The following PDE1C variants were observed in gnomAD, a reference collection of about 807,000 sequenced individuals.
PDE1C encodes dual specificity calcium/calmodulin-dependent 3',5'-cyclic nucleotide phosphodiesterase 1C.
In PDE1C, 62 loss-of-function variants were observed where a neutral mutation model predicts 93.1. That is an observed-to-expected ratio of 0.67 (90% confidence interval 0.54 to 0.82). The LOEUF (loss-of-function observed/expected upper bound fraction) is 0.82. PDE1C is among the 40% of genes least tolerant of loss of function. PDE1C has a pLI of 0.00. For missense variants in PDE1C, 742 were observed against 884.6 expected (o/e 0.84, Z 2.04); for synonymous variants, 325 against 310.1 (o/e 1.05, Z -0.50).
the PDE1C span, among the ~76,000 whole-genome samples, chr7:31,706,719 A>G: frequency 6.6e-6 from 1 of 152,234 alleles, no homozygotes; most frequent in East Asian, 1.9e-4. Context: ...AAGGACAGGA[A>G]AAGCCGACAT....
chr7:32,400,391 G>A (rs550836751), intron 1 of PDE1C, among the ~76,000 whole-genome samples: 1 of 152,106 alleles, frequency 6.6e-6, no homozygotes, highest in East Asian at 1.9e-4. Context: ...TCCCCCAACT[G>A]TGTCCCACTG....
intron 2 of PDE1C, among the ~76,000 whole-genome samples, chr7:31,929,434 A>C (rs1486498587): frequency 6.6e-6 from 1 of 152,182 alleles, no homozygotes; most frequent in Non-Finnish European, 1.5e-5. Flanking sequence ...TGGACCAAGC[A>C]GACCTAATAG....
intron 2 of PDE1C, among the ~76,000 whole-genome samples, chr7:32,208,533 T>C (rs1805776683): frequency 6.6e-6 from 1 of 152,156 alleles, no homozygotes; most frequent in African/African-American, 2.4e-5. Flanking sequence ...AATGTCCAAT[T>C]TTGAACATTT....
At chr7:32,067,994 C>A (rs1795600840) in intron 1 of PDE1C, among the ~76,000 whole-genome samples, 1 of 152,098 alleles carries the variant, frequency 6.6e-6, no homozygotes. Flanking sequence ...GCGATACCAA[C>A]AAGAAGGAGA....
At chr7:32,280,925 C>T (rs922056087) in intron 1 of PDE1C, among the ~76,000 whole-genome samples, 1 of 152,090 alleles carries the variant, frequency 6.6e-6, no homozygotes, top group Non-Finnish European at 1.5e-5. Context: ...TTTGAGGCTA[C>T]CGTGAGCTAT....
chr7:31,643,669 C>G, the PDE1C span: 1 of 1,613,930 alleles, frequency 6.2e-7, no homozygotes, highest in African/African-American at 1.3e-5. Context: ...GACTTCAGCT[C>G]TAAGCAACAA....
At chr7:31,947,337 A>T (rs962216712) in intron 2 of PDE1C, among the ~76,000 whole-genome samples, 2 of 152,244 alleles carry the variant, frequency 1.3e-5, no homozygotes, top group African/African-American at 4.8e-5. Flanking sequence ...TCATGGCAAC[A>T]TCTAAATAAT....
rs1784255841 is a variant in PDE1C at position 31,992,453 on chromosome 7, C to A, written c.128+59101G>T. On this transcript the variant is annotated intron_variant, in intron 2 of 17. Coordinates refer to ENST00000396191, the MANE Select transcript of PDE1C (RefSeq NM_001191057.4). ...CATATGAGACACTCCTGGGACTTCC[C>A]AAACAAATGAGGAAAGGCTTTGTTG... Among the ~76,000 whole-genome samples, 5 of 152,192 alleles carry A rather than the reference C, an allele frequency of 3.3e-5. 1 individual carries two copies. In the South Asian group the frequency reaches 1.0e-3, roughly 32 times the overall value.
the PDE1C span, among the ~76,000 whole-genome samples, chr7:31,699,041 GC>G: frequency 6.6e-6 from 1 of 152,158 alleles, no homozygotes; most frequent in Non-Finnish European, 1.5e-5. Flanking sequence ...AAAAGTCCTT[GC>G]TCTCATGGTG....
intron 1 of PDE1C, among the ~76,000 whole-genome samples, chr7:32,341,430 C>G (rs1403076975): frequency 5.3e-5 from 8 of 151,770 alleles, no homozygotes; most frequent in African/African-American, 1.9e-4. Context: ...CCACCTCGGC[C>G]TCCCAAAGTG....
At chr7:32,286,162 G>A (rs540999035) in intron 1 of PDE1C, among the ~76,000 whole-genome samples, 8 of 152,284 alleles carry the variant, frequency 5.3e-5, no homozygotes, top group South Asian at 2.1e-4. Flanking sequence ...TCAGTTTCCC[G>A]CTTATAAAGT....
At chr7:32,175,593 G>C (rs1051245290) in intron 2 of PDE1C, among the ~76,000 whole-genome samples, 9 of 152,154 alleles carry the variant, frequency 5.9e-5, no homozygotes, top group African/African-American at 2.2e-4. Flanking sequence ...CACTCAAGAA[G>C]CTTTGAAGAG....
the PDE1C span, among the ~76,000 whole-genome samples, chr7:31,660,550 T>C: frequency 3.0e-4 from 46 of 152,268 alleles, no homozygotes; most frequent in Non-Finnish European, 5.9e-4. Flanking sequence ...TGTTTTGGTT[T>C]GATTAAGGAA....
At chr7:31,729,718 A>G in the PDE1C span, among the ~76,000 whole-genome samples, 2 of 152,192 alleles carry the variant, frequency 1.3e-5, no homozygotes, top group African/African-American at 4.8e-5. Context: ...AGGGTCAGGT[A>G]ATGAAGTGGG....
At chr7:31,818,198 T>G (rs1205485832) in intron 14 of PDE1C, among the ~76,000 whole-genome samples, 2 of 152,230 alleles carry the variant, frequency 1.3e-5, no homozygotes, top group African/African-American at 4.8e-5. Flanking sequence ...AGGAAAGATT[T>G]CTTTACAAAT....
chr7:32,355,859 T>C (rs565771457), intron 1 of PDE1C, among the ~76,000 whole-genome samples: 5 of 152,344 alleles, frequency 3.3e-5, no homozygotes, highest in African/African-American at 9.6e-5. Context: ...TTGATAAATA[T>C]AGTAGATGGA....
At chr7:31,791,679 C>T (rs1784611546) in intron 16 of PDE1C, among the ~76,000 whole-genome samples, 1 of 151,852 alleles carries the variant, frequency 6.6e-6, no homozygotes, top group Admixed American at 6.6e-5. Flanking sequence ...AATAACAGAC[C>T]CATTGGTTGG....
chr7:31,651,278 C>A, the PDE1C span: 1 of 1,611,542 alleles, frequency 6.2e-7, no homozygotes, highest in South Asian at 1.1e-5. Context: ...AGGTAATTAC[C>A]TAAGGGAGCC....
the PDE1C span, among the ~76,000 whole-genome samples, chr7:31,619,068 C>T: frequency 1.3e-5 from 2 of 152,212 alleles, no homozygotes; most frequent in South Asian, 4.1e-4. Context: ...CCTTTGTCTT[C>T]TTTCAATTTG....
Sources: gnomAD v4.1 joint callset for allele counts (sites outside exome capture counted in the v4.1 genomes callset) on GRCh38, gnomAD v4.1.1 for gene constraint, MANE v1.5 for transcripts, NCBI Gene and HGNC (gene_info 2026-07-23, HGNC 2026-07-21) for gene names.